USP10: variants seen among roughly 807,000 people sequenced by gnomAD.
The protein encoded by USP10 is ubiquitin carboxyl-terminal hydrolase 10.
Under a neutral mutation model 84.5 loss-of-function variants are expected in USP10, and 22 were observed. The observed-to-expected ratio is 0.26, with a 90% CI of 0.19 to 0.37. USP10 has a LOEUF of 0.37. Ranked by LOEUF, USP10 falls within the 10% of genes least tolerant of loss-of-function variation. USP10 has a pLI of 1.00. For synonymous variants in USP10, 454 were observed against 387.6 expected (o/e 1.17, Z -2.01); for missense variants, 1,019 against 998.9 (o/e 1.02, Z -0.27).
chr16:84,770,895 A>G (rs554772103), intron 11 of USP10, among the ~76,000 whole-genome samples: 1 of 151,990 alleles, frequency 6.6e-6, no homozygotes, highest in East Asian at 1.9e-4. Flanking sequence ...TTGAAACCCC[A>G]TCTCTACTAA....
rs1912787947 is a variant in USP10, at chr16:84,758,035, A to G, written c.1193-681A>G. Among the ~76,000 whole-genome samples the G allele has an allele frequency of 2.0e-5, 3 of 152,368 alleles. No homozygotes were observed. The South Asian group carries it at 6.2e-4, about 32-fold the overall frequency. ...TGATGGTTAATTCTATAAAGATGGC[A>G]TTCACAGCTGTTTTAATACACAGAA... is the stretch of plus-strand genomic sequence containing the variant. On this transcript the variant is annotated intron_variant, in intron 4 of 13. Transcript: ENST00000219473.
At chr16:84,711,773 G>A (rs1906337266) in intron 1 of USP10, among the ~76,000 whole-genome samples, 1 of 145,012 alleles carries the variant, frequency 6.9e-6, no homozygotes, top group South Asian at 2.2e-4. Context: ...TGTCACCCAG[G>A]CAGTGGCAAG....
intron 8 of USP10, among the ~76,000 whole-genome samples, chr16:84,761,189 A>G (rs2150851666): frequency 6.6e-6 from 1 of 152,316 alleles, no homozygotes; most frequent in African/African-American, 2.4e-5. Flanking sequence ...TGAATAGTCA[A>G]CAAGAGAAGC....
intron 11 of USP10, among the ~76,000 whole-genome samples, chr16:84,770,113 A>G (rs745684800): frequency 6.6e-6 from 1 of 152,172 alleles, no homozygotes; most frequent in Non-Finnish European, 1.5e-5. Flanking sequence ...TCTCTAAAAC[A>G]TAAGAAGAAA....
At chr16:84,737,289 G>C (rs1004574624) in intron 2 of USP10, among the ~76,000 whole-genome samples, 1 of 152,210 alleles carries the variant, frequency 6.6e-6, no homozygotes, top group Non-Finnish European at 1.5e-5. Flanking sequence ...ATAGATGACA[G>C]TTTTTTCCCT....
intron 1 of USP10, among the ~76,000 whole-genome samples, chr16:84,705,458 C>G (rs1255138218): frequency 6.6e-6 from 1 of 151,910 alleles, no homozygotes; most frequent in Non-Finnish European, 1.5e-5. Flanking sequence ...GTCTCCATCT[C>G]CTGACCTCAC....
At chr16:84,768,491 A>C (rs1256365321) in intron 11 of USP10, 133 bp downstream of exon 11, 23 of 879,032 alleles carry the variant, frequency 2.6e-5, no homozygotes, top group Admixed American at 1.4e-4. Context: ...TTTTGTACTG[A>C]AAGTTTTTAT....
At chr16:84,736,477 G>C (rs993106969) in intron 2 of USP10, among the ~76,000 whole-genome samples, 10 of 152,226 alleles carry the variant, frequency 6.6e-5, no homozygotes, top group African/African-American at 2.2e-4. Context: ...CAGGTGAAAG[G>C]TAGCTGGCAT....
chr16:84,746,483 C>A (rs1415682809), intron 4 of USP10, among the ~76,000 whole-genome samples: 1 of 152,164 alleles, frequency 6.6e-6, no homozygotes, highest in African/African-American at 2.4e-5. Flanking sequence ...ACCTGTCCAG[C>A]GTGTTACTAC....
At chr16:84,723,824 A>C (rs534800444) in intron 1 of USP10, among the ~76,000 whole-genome samples, 2 of 152,340 alleles carry the variant, frequency 1.3e-5, no homozygotes, top group South Asian at 4.1e-4. Context: ...TCACCTCCAC[A>C]ATCAAGACAC....
chr16:84,750,097 G>C (rs958837426), intron 4 of USP10, among the ~76,000 whole-genome samples: 21 of 152,100 alleles, frequency 1.4e-4, no homozygotes, highest in African/African-American at 5.1e-4. Context: ...CCATTTATCA[G>C]TAGGAGTCAA....
At chr16:84,736,598 A>G (rs1019928960) in intron 2 of USP10, among the ~76,000 whole-genome samples, 1 of 152,200 alleles carries the variant, frequency 6.6e-6, no homozygotes, top group Non-Finnish European at 1.5e-5. Context: ...CCTGTTATTT[A>G]TGTTCAGAAA....
intron 1 of USP10, among the ~76,000 whole-genome samples, chr16:84,719,421 C>T (rs972492595): frequency 6.6e-6 from 1 of 152,114 alleles, no homozygotes; most frequent in South Asian, 2.1e-4. Context: ...CAGAATCACA[C>T]AGGAAGTGTT....
intron 10 of USP10, among the ~76,000 whole-genome samples, chr16:84,764,844 A>G (rs1243300347): frequency 6.6e-6 from 1 of 151,028 alleles, no homozygotes; most frequent in Non-Finnish European, 1.5e-5. Context: ...AAAAAAAAAG[A>G]AAAAGATACA....
At chr16:84,771,792 C>T (rs972715357) in intron 11 of USP10, among the ~76,000 whole-genome samples, 7 of 152,078 alleles carry the variant, frequency 4.6e-5, no homozygotes, top group East Asian at 1.9e-4. Flanking sequence ...CGTTTGAACC[C>T]GGGAGACGGA....
intron 2 of USP10, among the ~76,000 whole-genome samples, chr16:84,734,636 T>C (rs1344514778): frequency 6.6e-6 from 1 of 152,252 alleles, no homozygotes; most frequent in South Asian, 2.1e-4. Flanking sequence ...CTTTCAACTT[T>C]AATGTCAACT....
At chr16:84,706,937 A>G (rs190472569) in intron 1 of USP10, among the ~76,000 whole-genome samples, 8 of 152,308 alleles carry the variant, frequency 5.3e-5, no homozygotes, top group Admixed American at 5.2e-4. Flanking sequence ...GATACTAAGC[A>G]TTGTAGTAGT....
At chr16:84,712,637 G>C (rs1407740607) in intron 1 of USP10, among the ~76,000 whole-genome samples, 1 of 152,192 alleles carries the variant, frequency 6.6e-6, no homozygotes, top group African/African-American at 2.4e-5. Context: ...GCCGTCTATA[G>C]AAATAGTAAT....
At chr16:84,768,503 GT>G in intron 11 of USP10, 145 bp downstream of exon 11, 1 of 774,164 alleles carries the variant, frequency 1.3e-6, no homozygotes, top group Non-Finnish European at 1.9e-6. Flanking sequence ...AGTTTTTATG[GT>G]TTTACAATGA....
Sources: allele counts gnomAD v4.1 joint callset (sites outside exome capture counted in the v4.1 genomes callset), GRCh38; gene constraint gnomAD v4.1.1; transcripts MANE v1.5; gene names NCBI Gene and HGNC (gene_info 2026-07-23, HGNC 2026-07-21).